The following SRGAP2C variants were observed in gnomAD, a reference collection of about 807,000 sequenced individuals.
SRGAP2C encodes the protein SLIT-ROBO Rho GTPase-activating protein 2C.
Under a neutral mutation model 25.1 loss-of-function variants are expected in SRGAP2C, and 15 were observed. That is an observed-to-expected ratio of 0.60 (90% CI 0.40 to 0.92). The LOEUF (loss-of-function observed/expected upper bound fraction) is 0.92, where lower values mean the gene tolerates loss of function less well. Among genes scored for constraint, SRGAP2C ranks in the 40% least tolerant of loss-of-function variants. The pLI is 0.00. For synonymous variants in SRGAP2C, 44 were observed against 96.6 expected (o/e 0.46, Z 3.19); for missense variants, 144 against 264.4 (o/e 0.54, Z 3.16).
At chr1:121,303,712 TTATC>T (rs1657751035) in intron 3 of SRGAP2C, among the ~76,000 whole-genome samples, 2 of 150,750 alleles carry the variant, frequency 1.3e-5, no homozygotes, top group South Asian at 2.1e-4. Flanking sequence ...AGCTATTTCT[TTATC>T]TGTCTGTATA....
intron 3 of SRGAP2C, among the ~76,000 whole-genome samples, chr1:121,287,617 G>T (rs1474124038): frequency 1.3e-5 from 2 of 152,158 alleles, no homozygotes; most frequent in Admixed American, 1.3e-4. Context: ...TTAAGGTTCA[G>T]ATGTGTTAAT....
At chr1:121,337,596 T>G (rs1553342618) in intron 4 of SRGAP2C, among the ~76,000 whole-genome samples, 7 of 151,734 alleles carry the variant, frequency 4.6e-5, no homozygotes, top group Non-Finnish European at 8.8e-5. Context: ...TGTGCCATTG[T>G]ACTCCAGCAT....
intron 3 of SRGAP2C, among the ~76,000 whole-genome samples, chr1:121,304,068 G>A (rs1245386549): frequency 0.044 from 6,715 of 151,852 alleles, 509 homozygotes; most frequent in African/African-American, 0.15. Context: ...AAAATTAGCC[G>A]GGCATGGTGG....
chr1:121,246,750 AC>A (rs1276074316), intron 2 of SRGAP2C, among the ~76,000 whole-genome samples: 1 of 104,886 alleles, frequency 9.5e-6, no homozygotes, highest in Non-Finnish European at 2.0e-5. Flanking sequence ...CCATGGTGAA[AC>A]TAAAAAGCTG....
At chr1:121,306,899 A>G (rs1657853974) in intron 3 of SRGAP2C, among the ~76,000 whole-genome samples, 1 of 152,138 alleles carries the variant, frequency 6.6e-6, no homozygotes, top group Non-Finnish European at 1.5e-5. Context: ...TGAGAACAAT[A>G]CTTTCACAGA....
chr1:121,192,464 C>A (rs1458353644), intron 2 of SRGAP2C, among the ~76,000 whole-genome samples: 1 of 150,946 alleles, frequency 6.6e-6, no homozygotes, highest in East Asian at 2.0e-4. Flanking sequence ...AAGTACCATA[C>A]TCTGCATCTT....
rs1274370331 is a variant in SRGAP2C at position 121,365,756 on chromosome 1, C to T, written c.486+401C>T. The stretch of plus-strand genomic sequence containing the variant: ...AAAGGCTTTATTGTTCTAGGTTTTT[C>T]ATCAGATCTTGGATTGATGTATGGC... On this transcript the variant is annotated intron_variant, in intron 5 of 9. Coordinates refer to ENST00000367123, the MANE Select transcript of SRGAP2C (RefSeq NM_001329984.2). Among the ~76,000 whole-genome samples the T allele has an allele frequency of 1.2e-4, 11 of 91,490 alleles. 4 individuals carry two copies. Among genetic ancestry groups the T allele is most frequent in the Non-Finnish European group, 1.6e-4 (7 of 42,502 alleles). The allele number at this position is 91,490 out of a possible 152,430, so 60.0% of individuals were successfully genotyped here. A position where few individuals can be genotyped will look rare whatever the true frequency, so the allele number is the denominator to read the frequency against.
At chr1:121,272,419 C>A (rs1299822231) in intron 2 of SRGAP2C, among the ~76,000 whole-genome samples, 3 of 151,700 alleles carry the variant, frequency 2.0e-5, no homozygotes, top group South Asian at 4.2e-4. Context: ...CTTTTCTCTG[C>A]GGCCTCTCCA....
At chr1:121,293,777 G>A (rs1553338000) in intron 3 of SRGAP2C, among the ~76,000 whole-genome samples, 71,368 of 118,878 alleles carry the variant, frequency 0.6, 21,847 homozygotes, top group East Asian at 0.79. Context: ...TGTTGGGCTA[G>A]CAATGCCATG....
chr1:121,335,224 T>C (rs1416372808), intron 4 of SRGAP2C, among the ~76,000 whole-genome samples: 1 of 150,014 alleles, frequency 6.7e-6, no homozygotes, highest in Non-Finnish European at 1.5e-5. Flanking sequence ...ACCCGGAAGG[T>C]GGAGTTTGCA....
chr1:121,370,446 T>C (rs1553350703), intron 5 of SRGAP2C, among the ~76,000 whole-genome samples: 1 of 133,556 alleles, frequency 7.5e-6, no homozygotes, highest in Non-Finnish European at 1.6e-5. Flanking sequence ...TTCCTTTTTT[T>C]TTTTTTTTTT....
At chr1:121,239,726 T>A (rs1359081133) in intron 2 of SRGAP2C, among the ~76,000 whole-genome samples, 1 of 151,782 alleles carries the variant, frequency 6.6e-6, no homozygotes, top group Non-Finnish European at 1.5e-5. Context: ...ATGGGTCAAA[T>A]CTGTCCTGCT....
chr1:121,280,582 G>A (rs1172704947), intron 2 of SRGAP2C, among the ~76,000 whole-genome samples: 1 of 151,758 alleles, frequency 6.6e-6, no homozygotes, highest in Admixed American at 6.6e-5. Flanking sequence ...GAATAAATGG[G>A]CTCTACTGGG....
chr1:121,235,638 TTTTA>T (rs1198038187), intron 2 of SRGAP2C, among the ~76,000 whole-genome samples: 3 of 59,728 alleles, frequency 5.0e-5, no homozygotes, highest in African/African-American at 1.3e-4. Flanking sequence ...TTTTTTTTTT[TTTTA>T]GGAGGGGGTT....
intron 3 of SRGAP2C, among the ~76,000 whole-genome samples, chr1:121,322,246 C>T (rs1477405025): frequency 7.0e-6 from 1 of 143,860 alleles, no homozygotes; most frequent in African/African-American, 2.7e-5. Flanking sequence ...ACATGGGTAT[C>T]TTGCCGAGAG....
chr1:121,189,123 T>TA (rs1553319441), intron 2 of SRGAP2C, among the ~76,000 whole-genome samples: 2 of 84,076 alleles, frequency 2.4e-5, no homozygotes, highest in Non-Finnish European at 4.6e-5. Flanking sequence ...TTTTTTTTTT[T>TA]AACACATCCT....
At chr1:121,224,683 C>G (rs1553326262) in intron 2 of SRGAP2C, among the ~76,000 whole-genome samples, 1 of 139,344 alleles carries the variant, frequency 7.2e-6, no homozygotes, top group Non-Finnish European at 1.6e-5. Flanking sequence ...CCCAGCTACT[C>G]CTGTGTCACT....
At chr1:121,363,953 A>G (rs1313549337) in intron 4 of SRGAP2C, among the ~76,000 whole-genome samples, 1 of 152,118 alleles carries the variant, frequency 6.6e-6, no homozygotes, top group Non-Finnish European at 1.5e-5. Context: ...TAATAAATAT[A>G]CATTACTTTT....
intron 2 of SRGAP2C, among the ~76,000 whole-genome samples, chr1:121,211,259 C>T (rs1326027731): frequency 3.3e-5 from 5 of 150,302 alleles, no homozygotes; most frequent in African/African-American, 1.2e-4. Context: ...CAAAGTGCTT[C>T]CAGTTTTGTT....
Sources: allele counts gnomAD v4.1 joint callset (sites outside exome capture counted in the v4.1 genomes callset), GRCh38; gene constraint gnomAD v4.1.1; transcripts MANE v1.5; gene names NCBI Gene and HGNC (gene_info 2026-07-23, HGNC 2026-07-21).